Variants in MSRA observed in about 807,000 individuals in gnomAD.
MSRA encodes methionine sulfoxide reductase A.
A neutral mutation model predicts 31.3 loss-of-function variants in MSRA; 54 were observed. The observed-to-expected ratio is 1.73, with a 90% CI of 1.39 to 2.17. MSRA has a LOEUF of 2.17. Ranked by LOEUF, MSRA falls within the 30% of genes most tolerant of loss-of-function variation. The pLI is 0.00. For missense variants in MSRA, 507 were observed against 300.9 expected, an observed-to-expected ratio of 1.69 and a Z score of -5.07; for synonymous variants, 169 against 116.5, an observed-to-expected ratio of 1.45 and a Z score of -2.90.
chr8:10,328,065 A>T, intron 5 of MSRA, among the ~76,000 whole-genome samples: 1 of 114,122 alleles, frequency 8.8e-6, no homozygotes, highest in Non-Finnish European at 1.7e-5. Flanking sequence ...TATCAGTGAC[A>T]CTCTGAGTGT....
At chr8:10,333,851 G>A (rs1252895117) in intron 5 of MSRA, among the ~76,000 whole-genome samples, 3 of 151,960 alleles carry the variant, frequency 2.0e-5, no homozygotes, top group Non-Finnish European at 4.4e-5. Context: ...CTTTGCATCT[G>A]TGGCAACATT....
chr8:10,286,044 T>C (rs1416099475), intron 3 of MSRA, among the ~76,000 whole-genome samples: 4 of 151,978 alleles, frequency 2.6e-5, no homozygotes, highest in Admixed American at 6.6e-5. Context: ...GAGGGAGCTG[T>C]GGGGTTCTGA....
intron 2 of MSRA, among the ~76,000 whole-genome samples, chr8:10,241,228 T>A (rs1157861333): frequency 6.6e-6 from 1 of 152,012 alleles, no homozygotes; most frequent in Admixed American, 6.6e-5. Flanking sequence ...CTAGGCTTCT[T>A]GGTGAAATGG....
At chr8:10,211,924 T>G (rs1028805185) in intron 2 of MSRA, among the ~76,000 whole-genome samples, 4 of 152,122 alleles carry the variant, frequency 2.6e-5, no homozygotes, top group Non-Finnish European at 5.9e-5. Context: ...ATGGGTAATT[T>G]CACGAGAAAA....
chr8:10,317,556 G>A (rs1451013721), intron 4 of MSRA, among the ~76,000 whole-genome samples: 1 of 152,168 alleles, frequency 6.6e-6, no homozygotes, highest in Non-Finnish European at 1.5e-5. Context: ...GTAGATGTCA[G>A]GAGGTCAGTT....
chr8:10,217,460 C>A (rs1334289003), intron 2 of MSRA, among the ~76,000 whole-genome samples: 2 of 152,240 alleles, frequency 1.3e-5, no homozygotes, highest in African/African-American at 4.8e-5. Context: ...AATGGACCAG[C>A]TGTCTTCTAG....
At chr8:10,339,572 C>T (rs753875120) in intron 5 of MSRA, among the ~76,000 whole-genome samples, 4 of 117,246 alleles carry the variant, frequency 3.4e-5, no homozygotes, top group African/African-American at 1.0e-4. Context: ...GACGGAATCT[C>T]GTTCTGTCGC....
chr8:10,169,579 G>C (rs537079533), intron 1 of MSRA, among the ~76,000 whole-genome samples: 41 of 152,182 alleles, frequency 2.7e-4, no homozygotes, highest in African/African-American at 8.9e-4. Flanking sequence ...TCTTAGATAA[G>C]ACACAAAAAC....
At chr8:10,204,561 G>T (rs1159957957) in intron 1 of MSRA, among the ~76,000 whole-genome samples, 1 of 152,210 alleles carries the variant, frequency 6.6e-6, no homozygotes, top group African/African-American at 2.4e-5. Flanking sequence ...TAGCCTAGGG[G>T]CAATAGACTA....
chr8:10,182,764 C>G (rs1806658240), intron 1 of MSRA, among the ~76,000 whole-genome samples: 1 of 152,098 alleles, frequency 6.6e-6, no homozygotes, highest in African/African-American at 2.4e-5. Context: ...GTCACATGGG[C>G]CTTTCCAACA....
At chr8:10,058,059 C>G (rs892123410) in intron 1 of MSRA, among the ~76,000 whole-genome samples, 3 of 152,142 alleles carry the variant, frequency 2.0e-5, no homozygotes, top group Non-Finnish European at 4.4e-5. Flanking sequence ...ATAACTTTGA[C>G]AAGTTTGATT....
At chr8:10,311,368 C>A (rs1424931324) in intron 4 of MSRA, among the ~76,000 whole-genome samples, 1 of 152,106 alleles carries the variant, frequency 6.6e-6, no homozygotes, top group African/African-American at 2.4e-5. Flanking sequence ...ACTTGTTAAT[C>A]CCAGAAAATG....
At chr8:10,278,813 G>T (rs893004063) in intron 3 of MSRA, among the ~76,000 whole-genome samples, 1 of 152,142 alleles carries the variant, frequency 6.6e-6, no homozygotes, top group African/African-American at 2.4e-5. Context: ...TTTTAAAGTT[G>T]ATTTCAAAGG....
intron 1 of MSRA, among the ~76,000 whole-genome samples, chr8:10,073,823 G>C (rs1797856731): frequency 6.6e-6 from 1 of 151,980 alleles, no homozygotes; most frequent in Admixed American, 6.6e-5. Flanking sequence ...TAATTCTGTA[G>C]CTTGACAGTT....
At chr8:10,280,770 A>G (rs1168094178) in intron 3 of MSRA, among the ~76,000 whole-genome samples, 1 of 152,268 alleles carries the variant, frequency 6.6e-6, no homozygotes, top group Admixed American at 6.5e-5. Context: ...TAAAGTGGAA[A>G]CAACCCAAAC....
chr8:10,421,435 C>G (rs772503520), intron 5 of MSRA, among the ~76,000 whole-genome samples: 3 of 152,152 alleles, frequency 2.0e-5, no homozygotes, highest in Non-Finnish European at 2.9e-5. Flanking sequence ...CCTTTCTAAC[C>G]TTGCCCACTG....
At chr8:10,283,836 T>TATATACACACACACACAC (rs1261287031) in intron 3 of MSRA, among the ~76,000 whole-genome samples, 20 of 53,142 alleles carry the variant, frequency 3.8e-4, no homozygotes, top group Admixed American at 1.0e-3. Context: ...TATATATATA[T>TATATACACACACACACAC]ACACACACAC....
intron 1 of MSRA, among the ~76,000 whole-genome samples, chr8:10,115,916 G>C (rs545356121): frequency 1.3e-3 from 199 of 152,278 alleles, no homozygotes; most frequent in African/African-American, 4.4e-3. Flanking sequence ...ACTAATTTTT[G>C]AATAAAACCA....
chr8:10,372,207 G>T (rs1327545343), intron 5 of MSRA, among the ~76,000 whole-genome samples: 1 of 152,162 alleles, frequency 6.6e-6, no homozygotes, highest in African/African-American at 2.4e-5. Context: ...TTCATGCTGG[G>T]TGTCATTGGC....
Sources: allele counts gnomAD v4.1 joint callset (sites outside exome capture counted in the v4.1 genomes callset), GRCh38; gene constraint gnomAD v4.1.1; transcripts MANE v1.5; gene names NCBI Gene and HGNC (gene_info 2026-07-23, HGNC 2026-07-21).